LNX1: variants seen among roughly 807,000 people sequenced by gnomAD.
LNX1 encodes ligand of numb-protein X 1, also known as E3 ubiquitin-protein ligase LNX.
Under a neutral mutation model 68.4 loss-of-function variants are expected in LNX1, and 54 were observed. The observed-to-expected ratio is 0.79, with a 90% CI of 0.63 to 0.99. The LOEUF is 0.99. Among genes scored for constraint, LNX1 ranks in the 50% least tolerant of loss-of-function variants. LNX1 has a pLI of 0.00. For missense variants in LNX1, 906 were observed against 926.4 expected, an observed-to-expected ratio of 0.98 and a Z score of 0.29; for synonymous variants, 336 against 350.0, an observed-to-expected ratio of 0.96 and a Z score of 0.45.
At chr4:53,559,242 T>C (rs1272109307) in intron 2 of LNX1, among the ~76,000 whole-genome samples, 2 of 152,176 alleles carry the variant, frequency 1.3e-5, no homozygotes, top group African/African-American at 4.8e-5. Flanking sequence ...CAGAAGACTC[T>C]TAGAATGTGC....
chr4:53,513,214 C>T (rs1726491274), intron 2 of LNX1, among the ~76,000 whole-genome samples: 1 of 152,284 alleles, frequency 6.6e-6, no homozygotes, highest in Admixed American at 6.5e-5. Context: ...TATGGCAGCC[C>T]AGAAGGCAGT....
intron 1 of LNX1, among the ~76,000 whole-genome samples, chr4:53,646,379 A>G (rs77704934): frequency 0.11 from 17,430 of 152,104 alleles, 1,163 homozygotes; most frequent in Non-Finnish European, 0.16. Context: ...CTCAGTCTCT[A>G]TCCTCTAACT....
At chr4:53,468,216 C>T (rs1722854741) in intron 9 of LNX1, among the ~76,000 whole-genome samples, 1 of 152,144 alleles carries the variant, frequency 6.6e-6, no homozygotes, top group Admixed American at 6.5e-5. Flanking sequence ...GAATTTTCAA[C>T]CCAGAATTTC....
Position 53,459,709 on chromosome 4 carries a change from T to C in LNX1, c.*1198A>G. ...TGTGAATGAGTCACTTAACAGGGAATCTAAAGAGCTGTGTTAGCTGTGTAC... is the reference window on the plus strand; with the variant it reads ...TGTGAATGAGTCACTTAACAGGGAACCTAAAGAGCTGTGTTAGCTGTGTAC... On this transcript the variant is annotated 3_prime_UTR_variant, in exon 11 of 11. Transcript: ENST00000263925. 1 of 491,638 alleles carries C rather than the reference T, an allele frequency of 2.0e-6. No homozygotes were observed. The highest frequency in any genetic ancestry group is 3.7e-6 in the Non-Finnish European group (1 of 272,486). The allele number at this position is 491,638 out of a possible 1,614,324, so 30.5% of individuals were successfully genotyped here.
At chr4:53,587,168 T>C (rs1732218594) in intron 1 of LNX1, among the ~76,000 whole-genome samples, 1 of 152,202 alleles carries the variant, frequency 6.6e-6, no homozygotes, top group Non-Finnish European at 1.5e-5. Flanking sequence ...AGTGTGTATC[T>C]GTGTAACTAA....
chr4:53,609,780 AT>A, intron 2 of LNX1, among the ~76,000 whole-genome samples: 1 of 145,040 alleles, frequency 6.9e-6, no homozygotes, highest in East Asian at 1.9e-4. Flanking sequence ...ATTATATATA[AT>A]ATATTATTTA....
At chr4:53,592,215 C>A (rs1732542019), upstream of LNX1, among the ~76,000 whole-genome samples, 1 of 151,892 alleles carries the variant, frequency 6.6e-6, no homozygotes, top group African/African-American at 2.4e-5. Context: ...CAATTAGGAG[C>A]AATTTAAATG....
chr4:53,629,137 A>G (rs1734179744), intron 1 of LNX1, among the ~76,000 whole-genome samples: 1 of 152,238 alleles, frequency 6.6e-6, no homozygotes, highest in African/African-American at 2.4e-5. Context: ...AATAAATGTG[A>G]AAAACAGACC....
At chr4:53,553,359 C>A (rs1189220488) in intron 2 of LNX1, among the ~76,000 whole-genome samples, 1 of 152,130 alleles carries the variant, frequency 6.6e-6, no homozygotes, top group Non-Finnish European at 1.5e-5. Context: ...AAGACTTAAG[C>A]ATGAAAATGG....
At chr4:53,575,650 G>T in intron 1 of LNX1, 2 of 1,348,500 alleles carry the variant, frequency 1.5e-6, no homozygotes, top group Admixed American at 2.9e-5. Context: ...GGGATCACTG[G>T]CACCAGGTAT....
At position 53,646,628 on chromosome 4, in the gene LNX1, T is replaced by C. The variant is rs369583472; in HGVS notation, c.-215+5540A>G. ...GTTTTAAAAGAACTTGAAATTTGAA[T>C]TTTTATATGAAATCTCCTGATTGTT... On this transcript the variant is annotated intron_variant, in intron 1 of 2. Coordinates refer to the LNX1 transcript ENST00000507168. Among the ~76,000 whole-genome samples, 53 of 152,344 alleles carry C rather than the reference T, an allele frequency of 3.5e-4. 2 individuals carry two copies. The South Asian group carries it at 9.8e-3, about 28-fold the overall frequency.
upstream of LNX1, among the ~76,000 whole-genome samples, chr4:53,619,169 T>A (rs75570238): frequency 9.2e-5 from 14 of 152,108 alleles, no homozygotes; most frequent in Non-Finnish European, 1.5e-4. Flanking sequence ...ATGGCCTTAA[T>A]TTTTTTTACA....
chr4:53,518,658 G>A (rs936368217), intron 2 of LNX1, among the ~76,000 whole-genome samples: 14 of 152,274 alleles, frequency 9.2e-5, no homozygotes, highest in Middle Eastern at 3.4e-3. Context: ...GGCACAGAAA[G>A]ATTAAGAACT....
intron 2 of LNX1, among the ~76,000 whole-genome samples, chr4:53,546,214 A>T (rs1192471980): frequency 6.6e-6 from 1 of 152,216 alleles, no homozygotes; most frequent in Non-Finnish European, 1.5e-5. Flanking sequence ...TCTTAGAATT[A>T]GATAAAAATC....
intron 2 of LNX1, among the ~76,000 whole-genome samples, chr4:53,553,683 C>T (rs1729679208): frequency 6.6e-6 from 1 of 152,154 alleles, no homozygotes; most frequent in East Asian, 1.9e-4. Context: ...GGAAAGAAAG[C>T]ACTGTCACTC....
At chr4:53,544,796 G>T (rs1728989344) in intron 2 of LNX1, among the ~76,000 whole-genome samples, 1 of 152,234 alleles carries the variant, frequency 6.6e-6, no homozygotes, top group South Asian at 2.1e-4. Flanking sequence ...GCATGATATA[G>T]TCTGTCAGTC....
At chr4:53,562,649 G>A (rs1312288177) in intron 2 of LNX1, among the ~76,000 whole-genome samples, 1 of 152,118 alleles carries the variant, frequency 6.6e-6, no homozygotes, top group Non-Finnish European at 1.5e-5. Flanking sequence ...GTCTCCTGTT[G>A]GGCAACAGGT....
chr4:53,521,489 T>C (rs916060726), intron 2 of LNX1, among the ~76,000 whole-genome samples: 2 of 152,166 alleles, frequency 1.3e-5, no homozygotes, highest in Non-Finnish European at 2.9e-5. Context: ...GAAAATTGTG[T>C]TCTTCCTTGC....
chr4:53,468,826 T>C (rs1261438917), intron 9 of LNX1, among the ~76,000 whole-genome samples: 3 of 152,104 alleles, frequency 2.0e-5, no homozygotes, highest in South Asian at 4.1e-4. Context: ...ACAGGAGCAC[T>C]CAGATTCATA....
Sources: allele counts gnomAD v4.1 joint callset (sites outside exome capture counted in the v4.1 genomes callset), GRCh38; gene constraint gnomAD v4.1.1; transcripts MANE v1.5; gene names NCBI Gene and HGNC (gene_info 2026-07-23, HGNC 2026-07-21).